Variants in POLN observed in about 807,000 individuals in gnomAD.
POLN encodes the protein DNA polymerase nu.
A neutral mutation model predicts 113.5 loss-of-function variants in POLN; 108 were observed. That is an observed-to-expected ratio of 0.95 (90% CI 0.81 to 1.12). The LOEUF (loss-of-function observed/expected upper bound fraction) is 1.12. Ranked by LOEUF, POLN falls within the 50% of genes most tolerant of loss-of-function variation. POLN has a pLI of 0.00. For missense variants in POLN, 1,097 were observed against 1,077.1 expected (o/e 1.02, Z -0.26); for synonymous variants, 386 against 391.5 (o/e 0.99, Z 0.17).
chr4:2,090,287 A>C, intron 20 of POLN: 1 of 813,416 alleles, frequency 1.2e-6, no homozygotes, highest in Non-Finnish European at 2.0e-6. Flanking sequence ...TCTGCACATC[A>C]AACTTGTTCT....
intron 3 of POLN, among the ~76,000 whole-genome samples, chr4:2,224,782 C>T (rs1436200209): frequency 6.6e-6 from 1 of 152,002 alleles, no homozygotes; most frequent in African/African-American, 2.4e-5. Context: ...GAAACCCTGC[C>T]TCCACTAAAA....
chr4:2,122,953 G>T (rs536938109), intron 19 of POLN, among the ~76,000 whole-genome samples: 35 of 151,278 alleles, frequency 2.3e-4, no homozygotes, highest in African/African-American at 8.5e-4. Context: ...AGGAGTTTGA[G>T]GCCAGCCTAG....
At chr4:2,221,286 C>T (rs764826568) in intron 3 of POLN, among the ~76,000 whole-genome samples, 4 of 152,108 alleles carry the variant, frequency 2.6e-5, no homozygotes, top group Non-Finnish European at 4.4e-5. Flanking sequence ...GATTCCGTGC[C>T]ATCATGCCCC....
intron 5 of POLN, among the ~76,000 whole-genome samples, chr4:2,204,257 G>A (rs980339591): frequency 1.3e-5 from 2 of 151,652 alleles, no homozygotes; most frequent in East Asian, 3.9e-4. Flanking sequence ...CAAAATGGGA[G>A]ATATAACAAC....
intron 16 of POLN, among the ~76,000 whole-genome samples, chr4:2,155,538 G>A (rs1732402963): frequency 6.6e-6 from 1 of 152,170 alleles, no homozygotes; most frequent in Non-Finnish European, 1.5e-5. Context: ...CAAATGCCTG[G>A]GTGAAGGCCT....
At chr4:2,222,121 C>T (rs1444861933) in intron 3 of POLN, among the ~76,000 whole-genome samples, 1 of 152,136 alleles carries the variant, frequency 6.6e-6, no homozygotes, top group South Asian at 2.1e-4. Context: ...ACATGGGTTT[C>T]GCCATGTTGC....
At chr4:2,169,748 T>G (rs1211093122) in intron 13 of POLN, among the ~76,000 whole-genome samples, 1 of 152,246 alleles carries the variant, frequency 6.6e-6, no homozygotes, top group Non-Finnish European at 1.5e-5. Flanking sequence ...TCTTACTTAC[T>G]ACTCTGTACT....
intron 5 of POLN, among the ~76,000 whole-genome samples, chr4:2,202,366 G>A (rs1241791653): frequency 6.6e-6 from 1 of 152,116 alleles, no homozygotes; most frequent in African/African-American, 2.4e-5. Context: ...CATGCAAAGG[G>A]AGACCAAAAG....
intron 20 of POLN, among the ~76,000 whole-genome samples, chr4:2,087,889 A>G (rs1730585942): frequency 6.6e-6 from 1 of 151,988 alleles, no homozygotes; most frequent in South Asian, 2.1e-4. Context: ...CTGGAGGGCA[A>G]TGGTATGATC....
intron 20 of POLN, among the ~76,000 whole-genome samples, chr4:2,092,043 C>T (rs1450269755): frequency 6.6e-6 from 1 of 152,160 alleles, no homozygotes; most frequent in African/African-American, 2.4e-5. Context: ...CTGCTCTGGG[C>T]CAGCTCCTGG....
intron 19 of POLN, among the ~76,000 whole-genome samples, chr4:2,105,170 C>T (rs1427643775): frequency 6.6e-6 from 1 of 152,202 alleles, no homozygotes; most frequent in African/African-American, 2.4e-5. Flanking sequence ...CACCACCCAC[C>T]CTGCTGCTGG....
chr4:2,146,703 T>G (rs1732151222), intron 16 of POLN, among the ~76,000 whole-genome samples: 1 of 151,740 alleles, frequency 6.6e-6, no homozygotes, highest in South Asian at 2.1e-4. Flanking sequence ...TGCACTGAAA[T>G]CAGAAGAACT....
intron 2 of POLN, chr4:2,238,596 A>C (rs774726473): frequency 1.3e-5 from 20 of 1,526,282 alleles, no homozygotes; most frequent in Non-Finnish European, 1.8e-5. Context: ...ACAATGAAGC[A>C]TACGTACCTA....
At chr4:2,225,285 TAA>T (rs971229111) in intron 3 of POLN, among the ~76,000 whole-genome samples, 2 of 151,660 alleles carry the variant, frequency 1.3e-5, no homozygotes, top group African/African-American at 4.8e-5. Context: ...TATAAATATG[TAA>T]AAAAAAATTT....
At chr4:2,179,564 T>C in intron 7 of POLN, 99 bp from the exon 8 acceptor site, 1 of 1,159,244 alleles carries the variant, frequency 8.6e-7, no homozygotes, top group Non-Finnish European at 1.2e-6. Context: ...GTAGTAGTAT[T>C]GTCATCCTCT....
chr4:2,078,696 A>T, intron 23 of POLN: 2 of 985,480 alleles, frequency 2.0e-6, no homozygotes, highest in Non-Finnish European at 2.4e-6. Context: ...CACGTTCACA[A>T]AACACAGACC....
In POLN at chr4:2,174,845, C is replaced by G. The variant is rs1023564111; in HGVS notation, c.1249-94G>C. On this transcript the variant is annotated intron_variant, in intron 9 of 25. Coordinates refer to ENST00000511885, the MANE Select transcript of POLN (RefSeq NM_181808.4). ...CCTACTTTTTTTTTTTTTTTTGAGA[C>G]AGAGTCTTGCTCTGCTGCCCAGGTT... 4 of 850,022 alleles carry G rather than the reference C, an allele frequency of 4.7e-6. No individual in the cohort carries two copies. In the Admixed American group the frequency reaches 7.5e-5, roughly 16 times the overall value. 52.7% of individuals were successfully genotyped at this position (850,022 alleles called of 1,614,324 possible). A position where few individuals can be genotyped will look rare whatever the true frequency, so the allele number is the denominator to read the frequency against.
At chr4:2,147,703 C>A (rs1165752396) in intron 16 of POLN, among the ~76,000 whole-genome samples, 5 of 131,496 alleles carry the variant, frequency 3.8e-5, no homozygotes, top group African/African-American at 1.4e-4. Flanking sequence ...AACACAATGG[C>A]GTGATCTTGG....
In POLN at chr4:2,200,923, T is replaced by G. The variant is rs112127736; in HGVS notation, c.715-2206A>C. On this transcript the variant is annotated intron_variant, in intron 5 of 25. Transcript: ENST00000511885. ...GTTAGTTATTAAGTTAATCAGGGAG[T>G]CACCAGAGAAAGGCAAAGCCCAGTT... Among the ~76,000 whole-genome samples the G allele has an allele frequency of 2.4e-3, 362 of 151,562 alleles. 1 individual carries two copies. The highest frequency in any genetic ancestry group is 8.4e-3 in the African/African-American group (346 of 41,316).
Sources: gnomAD v4.1 joint callset for allele counts (sites outside exome capture counted in the v4.1 genomes callset) on GRCh38, gnomAD v4.1.1 for gene constraint, MANE v1.5 for transcripts, NCBI Gene and HGNC (gene_info 2026-07-23, HGNC 2026-07-21) for gene names.